Variants in ERC1 observed in about 807,000 individuals in gnomAD.
ERC1 encodes RAB6 interacting protein 2.
In ERC1, 56 loss-of-function variants were observed where a neutral mutation model predicts 132.0. The observed-to-expected ratio is 0.42, with a 90% CI of 0.34 to 0.53. The LOEUF (loss-of-function observed/expected upper bound fraction) is 0.53, where lower values mean the gene tolerates loss of function less well. Ranked by LOEUF, ERC1 falls within the 20% of genes least tolerant of loss-of-function variation. The pLI is 0.03. For synonymous variants in ERC1, 478 were observed against 476.1 expected (o/e 1.00, Z -0.05); for missense variants, 1,202 against 1,349.9 (o/e 0.89, Z 1.72).
chr12:1,287,266 G>A (rs2079097745), intron 14 of ERC1, among the ~76,000 whole-genome samples: 1 of 152,154 alleles, frequency 6.6e-6, no homozygotes, highest in South Asian at 2.1e-4. Flanking sequence ...ATGGATTAAG[G>A]ACTAAACATG....
At chr12:1,047,094 G>A (rs1319151190) in intron 2 of ERC1, among the ~76,000 whole-genome samples, 1 of 152,122 alleles carries the variant, frequency 6.6e-6, no homozygotes, top group East Asian at 1.9e-4. Context: ...TCTGTTGATT[G>A]AAATGTCCTA....
rs2094347903 is a variant in ERC1 at position 1,495,182 on chromosome 12, C to CA, written c.*4953dup. Reference sequence around the variant, plus strand: ...ACCCTGAAGCCCCTGCCTGGCAGGCCACAGGACCTCTCCTGCCCACTTGGT... The same window carrying CA: ...ACCCTGAAGCCCCTGCCTGGCAGGCCAACAGGACCTCTCCTGCCCACTTGGT... On this transcript the variant is annotated 3_prime_UTR_variant, in exon 19 of 19. Transcript: ENST00000360905. 4.3e-6 allele frequency: 1 copy of CA among 230,630 alleles called. No individual in the cohort carries two copies. The highest frequency in any genetic ancestry group is 8.6e-6 in the Non-Finnish European group (1 of 116,534). The allele number at this position is 230,630 out of a possible 1,614,324, so 14.3% of individuals were successfully genotyped here.
intron 12 of ERC1, among the ~76,000 whole-genome samples, chr12:1,205,397 CTG>C (rs551630470): frequency 0.025 from 3,451 of 135,674 alleles, 54 homozygotes; most frequent in East Asian, 0.077. Flanking sequence ...ATATATATAT[CTG>C]TGTGTGTGTG....
intron 15 of ERC1, among the ~76,000 whole-genome samples, chr12:1,360,941 G>T (rs1193265156): frequency 6.6e-6 from 1 of 151,674 alleles, no homozygotes; most frequent in African/African-American, 2.4e-5. Context: ...AATAGAATAA[G>T]CTAGGTATGG....
intron 18 of ERC1, among the ~76,000 whole-genome samples, chr12:1,447,239 T>C (rs2093325510): frequency 6.6e-6 from 1 of 151,386 alleles, no homozygotes; most frequent in Non-Finnish European, 1.5e-5. Context: ...GCAGTGCTAC[T>C]GGGCACAGTG....
chr12:1,334,859 G>A (rs1294419169), intron 15 of ERC1, among the ~76,000 whole-genome samples: 1 of 152,170 alleles, frequency 6.6e-6, no homozygotes, highest in Non-Finnish European at 1.5e-5. Context: ...TCCTATCCAT[G>A]AGCATGGAAT....
chr12:1,227,571 T>C (rs1377915477), intron 12 of ERC1, among the ~76,000 whole-genome samples: 2 of 152,230 alleles, frequency 1.3e-5, no homozygotes, highest in East Asian at 3.8e-4. Context: ...ATCAGATAGG[T>C]TTGCAAGCAT....
intron 1 of ERC1, among the ~76,000 whole-genome samples, chr12:1,026,630 T>C (rs1445791390): frequency 6.6e-6 from 1 of 152,236 alleles, no homozygotes; most frequent in Admixed American, 6.5e-5. Flanking sequence ...ATGAAATATA[T>C]GAAGTCACAC....
In ERC1 at chr12:1,478,325, G is replaced by A. The variant is rs567376005; in HGVS notation, c.3214-11768G>A. On this transcript the variant is annotated intron_variant, in intron 18 of 18. Coordinates refer to ENST00000360905, the MANE Select transcript of ERC1 (RefSeq NM_178040.4). ...TAATGAGTTATCCACCTTTTTATAT[G>A]TCTGTTAACCATTTCAGTATACTCT... 1.7e-4 allele frequency among the ~76,000 whole-genome samples: 26 copies of A among 151,624 alleles called. No homozygotes were observed. The South Asian group carries it at 5.0e-3, about 29-fold the overall frequency.
At chr12:1,480,544 C>T (rs2094068322) in intron 18 of ERC1, among the ~76,000 whole-genome samples, 2 of 151,970 alleles carry the variant, frequency 1.3e-5, no homozygotes, top group Admixed American at 6.6e-5. Context: ...TACATTACTG[C>T]GTTTGGATTT....
intron 14 of ERC1, among the ~76,000 whole-genome samples, chr12:1,279,067 C>T (rs1329981202): frequency 6.6e-6 from 1 of 152,116 alleles, no homozygotes; most frequent in Non-Finnish European, 1.5e-5. Context: ...TGTATGTTTT[C>T]TCTCTCATCC....
At chr12:1,474,670 C>A (rs1215005173) in intron 18 of ERC1, among the ~76,000 whole-genome samples, 1 of 152,172 alleles carries the variant, frequency 6.6e-6, no homozygotes, top group Non-Finnish European at 1.5e-5. Flanking sequence ...TCCATTCAGC[C>A]CCCTCGCATT....
chr12:1,210,646 T>C (rs1175834318), intron 12 of ERC1, among the ~76,000 whole-genome samples: 1 of 152,164 alleles, frequency 6.6e-6, no homozygotes, highest in Non-Finnish European at 1.5e-5. Flanking sequence ...GTTATTATTA[T>C]TTTCTGGTGT....
At chr12:1,047,439 C>G (rs1015829767) in intron 2 of ERC1, among the ~76,000 whole-genome samples, 2 of 151,636 alleles carry the variant, frequency 1.3e-5, no homozygotes, top group South Asian at 2.1e-4. Flanking sequence ...AGAAGAATTA[C>G]ATTACCAGTA....
intron 16 of ERC1, among the ~76,000 whole-genome samples, chr12:1,378,770 G>A (rs556636323): frequency 3.4e-4 from 52 of 152,284 alleles, no homozygotes; most frequent in Non-Finnish European, 7.1e-4. Flanking sequence ...TTCTTACGGA[G>A]TCAGGAAGTT....
chr12:1,409,595 G>A (rs1488571999), intron 17 of ERC1, among the ~76,000 whole-genome samples: 1 of 152,152 alleles, frequency 6.6e-6, no homozygotes, highest in Non-Finnish European at 1.5e-5. Context: ...TCAGGGGATT[G>A]GTTTCAGGAC....
intron 17 of ERC1, among the ~76,000 whole-genome samples, chr12:1,418,644 TCTCTC>T (rs1565396342): frequency 1.4e-4 from 17 of 121,498 alleles, no homozygotes; most frequent in African/African-American, 5.4e-4. Context: ...TCTTTCTTTC[TCTCTC>T]TCTCTCTCTC....
intron 16 of ERC1, among the ~76,000 whole-genome samples, chr12:1,405,836 A>T (rs1204982326): frequency 6.6e-6 from 1 of 152,164 alleles, no homozygotes; most frequent in South Asian, 2.1e-4. Flanking sequence ...GGATCACTTA[A>T]GGCCAGGAGT....
intron 16 of ERC1, among the ~76,000 whole-genome samples, chr12:1,378,444 C>T (rs187889133): frequency 1.4e-3 from 208 of 152,276 alleles, no homozygotes; most frequent in African/African-American, 4.9e-3. Flanking sequence ...GGGACTTATT[C>T]TGTTCTATGA....
Sources: allele counts gnomAD v4.1 joint callset (sites outside exome capture counted in the v4.1 genomes callset), GRCh38; gene constraint gnomAD v4.1.1; transcripts MANE v1.5; gene names NCBI Gene and HGNC (gene_info 2026-07-23, HGNC 2026-07-21).